The following ZNF232 variants were observed in gnomAD, a reference collection of about 807,000 sequenced individuals.
ZNF232 encodes the protein zinc finger and SCAN domain-containing protein 11.
A neutral mutation model predicts 25.2 loss-of-function variants in ZNF232; 25 were observed. The observed-to-expected ratio is 0.99, with a 90% CI of 0.72 to 1.39. The LOEUF is 1.39. ZNF232 is among the 40% of genes most tolerant of loss of function. ZNF232 has a pLI of 0.00. For synonymous variants in ZNF232, 193 were observed against 182.9 expected (o/e 1.06, Z -0.45); for missense variants, 519 against 520.9 (o/e 1.00, Z 0.04).
chr17:5,111,661 C>G, intron 1 of ZNF232, 139 bp downstream of exon 1: 5 of 1,347,468 alleles, frequency 3.7e-6, no homozygotes, highest in Non-Finnish European at 4.1e-6. Flanking sequence ...GCGGGCACCA[C>G]GGGCAACCCA....
chr17:5,114,717 C>T (rs573927875), upstream of ZNF232: 3 of 152,390 alleles, frequency 2.0e-5, no homozygotes, highest in Non-Finnish European at 4.4e-5. Flanking sequence ...GTAATCCCAG[C>T]TAATTGGGAG....
upstream of ZNF232, among the ~76,000 whole-genome samples, chr17:5,112,751 A>T (rs916501399): frequency 1.7e-4 from 24 of 145,368 alleles, no homozygotes; most frequent in Non-Finnish European, 2.6e-4. Flanking sequence ...ATTATTTTTT[A>T]TTTTTTTTTT....
intron 1 of ZNF232, chr17:5,120,875 G>T: frequency 2.2e-6 from 1 of 454,562 alleles, no homozygotes; most frequent in Non-Finnish European, 4.4e-6. Flanking sequence ...AGATCCACAG[G>T]CTGTCCCAGT....
At chr17:5,122,006 C>G (rs1367938052) in intron 1 of ZNF232, among the ~76,000 whole-genome samples, 2 of 151,450 alleles carry the variant, frequency 1.3e-5, no homozygotes, top group African/African-American at 4.9e-5. Flanking sequence ...GAATGAACAT[C>G]AAGATATTTT....
At chr17:5,114,020 C>T (rs2072473741), upstream of ZNF232, 1 of 152,166 alleles carries the variant, frequency 6.6e-6, no homozygotes, top group African/African-American at 2.4e-5. Flanking sequence ...TGACCTGAGA[C>T]TAAGTACTAT....
chr17:5,120,590 T>C (rs2072632005), intron 1 of ZNF232: 5 of 360,440 alleles, frequency 1.4e-5, no homozygotes, highest in South Asian at 8.5e-5. Context: ...TTCCCCAGGA[T>C]GGCCTTGGGT....
At chr17:5,115,564 A>ACACACACACG (rs1567761926), upstream of ZNF232, among the ~76,000 whole-genome samples, 2 of 151,662 alleles carry the variant, frequency 1.3e-5, no homozygotes, top group African/African-American at 4.8e-5. Flanking sequence ...AAACACACAC[A>ACACACACACG]CACACACACA....
At chr17:5,119,397 A>G (rs1437851021) in intron 1 of ZNF232, among the ~76,000 whole-genome samples, 2 of 152,216 alleles carry the variant, frequency 1.3e-5, no homozygotes, top group Non-Finnish European at 2.9e-5. Context: ...CTTTTATTTC[A>G]TGAATTACCT....
chr17:5,109,397 C>G lies in ZNF232; in HGVS notation c.495G>C (p.Pro165=), dbSNP rs112273580. Residue 165 remains proline, a synonymous_variant, in exon 2 of 4, where the codon CCG becomes CCC. Coordinates refer to ENST00000575898, the Ensembl canonical transcript of ZNF232. ...CAGACCAAATCCCCCTTCCCACCTG[C>G]GGCTCTGGTTCAAGTCCTTTCTCTA... 524 of 1,614,072 alleles carry G rather than the reference C, an allele frequency of 3.2e-4. No homozygotes were observed. The highest frequency in any genetic ancestry group is 3.2e-3 in the African/African-American group (237 of 75,048).
chr17:5,120,986 C>T (rs2072644623), intron 1 of ZNF232, among the ~76,000 whole-genome samples: 1 of 152,184 alleles, frequency 6.6e-6, no homozygotes, highest in Non-Finnish European at 1.5e-5. Flanking sequence ...TCACTGTGGC[C>T]TGCAAAATAG....
At chr17:5,120,069 C>T (rs1275470440) in intron 1 of ZNF232, among the ~76,000 whole-genome samples, 5 of 152,208 alleles carry the variant, frequency 3.3e-5, no homozygotes. Flanking sequence ...CCTGTGGCTT[C>T]CTTCTCAGCC....
intron 3 of ZNF232, 43 bp downstream of exon 3, chr17:5,108,883 T>G (rs2072325216): frequency 1.2e-6 from 2 of 1,612,958 alleles, no homozygotes; most frequent in East Asian, 4.5e-5. Context: ...CCCTTTATAG[T>G]CCCTCTTTCT....
chr17:5,117,227 G>A (rs1234417431), intron 1 of ZNF232, among the ~76,000 whole-genome samples: 2 of 152,138 alleles, frequency 1.3e-5, no homozygotes, highest in Non-Finnish European at 1.5e-5. Flanking sequence ...CATATTAAAA[G>A]CTCGATAAGC....
chr17:5,110,327 G>A (rs2072371775), intron 1 of ZNF232, among the ~76,000 whole-genome samples: 1 of 152,090 alleles, frequency 6.6e-6, no homozygotes, highest in South Asian at 2.1e-4. Context: ...CAATGTTTTT[G>A]AGAAACTTGC....
intron 1 of ZNF232, 24 bp from the exon 2 acceptor site, chr17:5,109,892 CCT>C (rs995816372): frequency 6.4e-7 from 1 of 1,555,334 alleles, no homozygotes; most frequent in African/African-American, 1.4e-5. Flanking sequence ...AGAAATCATT[CCT>C]CTTTTTTTTT....
intron 3 of ZNF232, 136 bp downstream of exon 3, chr17:5,108,790 G>A (rs1266750193): frequency 2.2e-6 from 3 of 1,370,778 alleles, no homozygotes; most frequent in Non-Finnish European, 3.0e-6. Flanking sequence ...TCTCACCTAA[G>A]AGATAAGAAT....
At chr17:5,106,243 T>G (rs2072258031) in exon 4 of ZNF232, 1 of 1,614,132 alleles carries the variant, frequency 6.2e-7, no homozygotes, top group South Asian at 1.1e-5. Flanking sequence ...CCACATTCAC[T>G]ACATTCATGG....
Position 5,109,871 on chromosome 17 carries a change from G to A in ZNF232, c.24-3C>T. The A allele has an allele frequency of 6.3e-7, 1 of 1,590,132 alleles. No individual in the cohort carries two copies. ...AGCTGGAATCTTGCAAGGGCCCCCTGTAACATAAGAAGAAATCATTCCTCT... is the reference window on the plus strand; with the variant it reads ...AGCTGGAATCTTGCAAGGGCCCCCTATAACATAAGAAGAAATCATTCCTCT... On this transcript the variant is annotated splice_polypyrimidine_tract_variant and splice_region_variant and intron_variant, in intron 1 of 3. Transcript: ENST00000575898.
At chr17:5,109,100 A>C (rs1339650779) in intron 2 of ZNF232, 48 bp from the exon 3 acceptor site, 1 of 1,612,230 alleles carries the variant, frequency 6.2e-7, no homozygotes, top group Non-Finnish European at 8.5e-7. Flanking sequence ...TCAAATTACT[A>C]GTGTGGTTTC....
Sources: gnomAD v4.1 joint callset for allele counts (sites outside exome capture counted in the v4.1 genomes callset) on GRCh38, gnomAD v4.1.1 for gene constraint, MANE v1.5 for transcripts, NCBI Gene and HGNC (gene_info 2026-07-23, HGNC 2026-07-21) for gene names.